The following GFM2 variants were observed in gnomAD, a reference collection of about 807,000 sequenced individuals.
GFM2 encodes the protein GTP dependent ribosome recycling factor mitochondrial 2.
Under a neutral mutation model 95.4 loss-of-function variants are expected in GFM2, and 72 were observed. The ratio of observed to expected loss-of-function variants is 0.76; its 90% CI spans 0.62 to 0.92. The LOEUF (loss-of-function observed/expected upper bound fraction) is 0.92, where lower values mean the gene tolerates loss of function less well. GFM2 is among the 40% of genes least tolerant of loss of function. The pLI, the probability that GFM2 is intolerant of heterozygous loss-of-function variation, is 0.00. For missense variants in GFM2, 825 were observed against 924.1 expected (o/e 0.89, Z 1.39); for synonymous variants, 276 against 317.5 (o/e 0.87, Z 1.39).
Position 74,729,098 on chromosome 5 carries a change from C to G in GFM2, c.1726+1162G>C, listed in dbSNP as rs1231160135. On this transcript the variant is annotated intron_variant, in intron 17 of 20. Coordinates refer to ENST00000296805, the MANE Select transcript of GFM2 (RefSeq NM_032380.5). ...GGTTGATGATATCTTTGGAGAAGCC[C>G]TTTTTTCCAGGTTCCTTGGGATACT... Among the ~76,000 whole-genome samples the G allele has an allele frequency of 2.0e-5, 3 of 152,008 alleles. No homozygotes were observed. The East Asian group carries it at 5.8e-4, about 29-fold the overall frequency.
rs767693213 is a variant in GFM2, at chr5:74,721,639, C to CCAAAAACTAAAA, written c.*4_*15dup. ...TAGCTAGGTGCTCCTGAATTTCTCTCCAAAAACTAAAACATTTAGGTCAAA... is the reference window on the plus strand; with the variant it reads ...TAGCTAGGTGCTCCTGAATTTCTCTCCAAAAACTAAAACAAAAACTAAAACATTTAGGTCAAA... On this transcript the variant is annotated 3_prime_UTR_variant, in exon 21 of 21. Transcript: ENST00000296805. 9 of 1,604,474 alleles carry CCAAAAACTAAAA rather than the reference C, an allele frequency of 5.6e-6. No individual in the cohort carries two copies. In the South Asian group the frequency reaches 9.1e-5, roughly 16 times the overall value.
rs1749895631 is a variant in GFM2, at chr5:74,721,756, T to A, written c.2239A>T (p.Thr747Ser). The change falls in exon 21 of 21, where the codon ACA becomes TCA. Residue 747 changes from threonine to serine, a missense_variant. Physicochemically the swap from Thr to Ser is moderately conservative, Grantham distance 58 (BLOSUM62 1). Transcript: ENST00000296805. The stretch of plus-strand genomic sequence containing the variant: ...AAGGCAAAAGTAGCTGAGCCTGATG[T>A]TAGCGTTCGAAGCACAGTTGAATAA... ...MGYSTVLRTL[T>S]SGSATFALEL... 6.2e-7 allele frequency: 1 copy of A among 1,613,382 alleles called. No individual in the cohort carries two copies. The highest frequency in any genetic ancestry group is 1.1e-5 in the South Asian group (1 of 90,886).
chr5:74,745,242 G>A (rs962209618), intron 10 of GFM2, among the ~76,000 whole-genome samples: 2 of 152,152 alleles, frequency 1.3e-5, no homozygotes, highest in African/African-American at 4.8e-5. Context: ...CTACCCAGGA[G>A]GCTGAGGCAG....
intron 6 of GFM2, 44 bp downstream of exon 6, chr5:74,751,324 T>C (rs958325598): frequency 1.9e-6 from 3 of 1,554,286 alleles, no homozygotes; most frequent in Non-Finnish European, 2.6e-6. Context: ...ACAAAAAAAC[T>C]CCAAATGACG....
intron 1 of GFM2, among the ~76,000 whole-genome samples, chr5:74,766,048 G>C (rs529342181): frequency 2.0e-5 from 3 of 152,218 alleles, no homozygotes; most frequent in Admixed American, 6.5e-5. Context: ...GCTCAAGCCT[G>C]TAATCCCAAC....
intron 15 of GFM2, among the ~76,000 whole-genome samples, chr5:74,734,294 T>C (rs1462280149): frequency 6.6e-6 from 1 of 152,124 alleles, no homozygotes; most frequent in Admixed American, 6.5e-5. Context: ...AATATTGATA[T>C]ATTGAAGTAA....
rs768728438 is a variant in GFM2, at chr5:74,740,019, G to A, written c.1049C>T (p.Pro350Leu). 1 of 1,586,676 alleles carries A rather than the reference G, an allele frequency of 6.3e-7. No individual in the cohort carries two copies. Among genetic ancestry groups the A allele is most frequent in the African/African-American group, 1.4e-5 (1 of 73,374 alleles). ...PLLDAVTMYL[P>L]SPEERNYEFL... Reference sequence around the variant, plus strand: ...TTCATAGTTACGCTCTTCAGGTGAAGGTAAGTACATAGTAACAGCATCTAA... The same window carrying A: ...TTCATAGTTACGCTCTTCAGGTGAAAGTAAGTACATAGTAACAGCATCTAA... The change falls in exon 12 of 21, where the codon CCT becomes CTT. Residue 350 changes from proline (P) to leucine (L), a missense_variant. Transcript: ENST00000296805.
chr5:74,728,851 A>C (rs945871204), intron 17 of GFM2, among the ~76,000 whole-genome samples: 1 of 133,320 alleles, frequency 7.5e-6, no homozygotes, highest in African/African-American at 2.8e-5. Context: ...CGCCTCTGGG[A>C]TTCAAGCAAT....
intron 17 of GFM2, among the ~76,000 whole-genome samples, chr5:74,729,214 G>A (rs138763907): frequency 6.6e-6 from 1 of 152,190 alleles, no homozygotes; most frequent in South Asian, 2.1e-4. Flanking sequence ...TTAGGCTAAA[G>A]ACCTGTATCA....
chr5:74,740,091 G>T lies in GFM2; in HGVS notation c.977C>A (p.Pro326His). The change falls in exon 12 of 21, where the codon CCT (proline) becomes CAT (histidine). Residue 326 changes from proline to histidine, a missense_variant. Physicochemically the swap from Pro to His is moderately conservative, Grantham distance 77. Coordinates refer to ENST00000296805, the MANE Select transcript of GFM2 (RefSeq NM_032380.5). ...HRVTLAQTAV[P>H]VLCGSALKNK... is the part of the protein sequence containing the mutation. Reference sequence around the variant, plus strand: ...TTTCAGGGCACTTCCACAAAGCACAGGCACTGCTGTCTGAGCTAGTGTCAC... The same window carrying T: ...TTTCAGGGCACTTCCACAAAGCACATGCACTGCTGTCTGAGCTAGTGTCAC... 6.2e-7 allele frequency: 1 copy of T among 1,607,490 alleles called. No homozygotes were observed. The highest frequency in any genetic ancestry group is 8.5e-7 in the Non-Finnish European group (1 of 1,177,424).
intron 17 of GFM2, among the ~76,000 whole-genome samples, chr5:74,726,818 T>C (rs1750169976): frequency 6.6e-6 from 1 of 152,212 alleles, no homozygotes; most frequent in Non-Finnish European, 1.5e-5. Flanking sequence ...TCTATAATTC[T>C]TCATAATTCC....
At chr5:74,757,275 T>C (rs1420020246) in intron 5 of GFM2, among the ~76,000 whole-genome samples, 3 of 152,152 alleles carry the variant, frequency 2.0e-5, no homozygotes, top group Admixed American at 6.5e-5. Flanking sequence ...ATTCAGTTTC[T>C]TGGCATCATA....
intron 19 of GFM2, among the ~76,000 whole-genome samples, chr5:74,723,122 A>G (rs957058893): frequency 3.3e-5 from 5 of 152,192 alleles, no homozygotes; most frequent in African/African-American, 1.2e-4. Flanking sequence ...AATCCTAAAA[A>G]AGATTGAATT....
At chr5:74,746,217 C>T (rs750977653) in intron 8 of GFM2, 52 bp from the exon 9 acceptor site, 16 of 1,031,042 alleles carry the variant, frequency 1.6e-5, no homozygotes, top group Admixed American at 3.4e-5. Context: ...AATTCTTTAC[C>T]AAAGGTATCA....
intron 2 of GFM2, among the ~76,000 whole-genome samples, chr5:74,762,604 T>C (rs1744339586): frequency 6.6e-6 from 1 of 152,234 alleles, no homozygotes; most frequent in South Asian, 2.1e-4. Flanking sequence ...GAGCACTTTA[T>C]GGCTTCTCTT....
chr5:74,724,192 T>C (rs1750045377), intron 19 of GFM2, among the ~76,000 whole-genome samples: 1 of 152,144 alleles, frequency 6.6e-6, no homozygotes, highest in South Asian at 2.1e-4. Flanking sequence ...CAAATGAACA[T>C]GGAAATGCAG....
intron 5 of GFM2, among the ~76,000 whole-genome samples, chr5:74,753,657 C>A (rs578245353): frequency 6.6e-6 from 1 of 152,068 alleles, no homozygotes; most frequent in South Asian, 2.1e-4. Flanking sequence ...CCCAACCTGA[C>A]AAACACAAAG....
rs1743351000 is a variant in GFM2 at position 74,745,751 on chromosome 5, T to A, written c.776A>T (p.Lys259Met). 1 of 1,613,942 alleles carries A rather than the reference T, an allele frequency of 6.2e-7. No individual in the cohort carries two copies. Among genetic ancestry groups the A allele is most frequent in the Non-Finnish European group, 8.5e-7 (1 of 1,179,918 alleles). ...NSNDGKDFER[K>M]PLLEMNDPEL... ...AGGATCATTCATTTCCAAGAGGGGC[T>A]TTCTCTCAAAGTCTTTTCCATCATT... The change falls in exon 10 of 21, where the codon AAG becomes ATG. Residue 259 changes from lysine to methionine, a missense_variant. Lys to Met is a moderately conservative substitution (Grantham distance 95). Coordinates refer to ENST00000296805, the MANE Select transcript of GFM2 (RefSeq NM_032380.5).
intron 1 of GFM2, 30 bp from the exon 2 acceptor site, chr5:74,763,796 A>G: frequency 7.3e-7 from 1 of 1,374,850 alleles, no homozygotes; most frequent in East Asian, 2.3e-5. Context: ...AAATCAAAAA[A>G]CTAAACTTAT....
Sources: gnomAD v4.1 joint callset for allele counts (sites outside exome capture counted in the v4.1 genomes callset) on GRCh38, gnomAD v4.1.1 for gene constraint, MANE v1.5 for transcripts, NCBI Gene and HGNC (gene_info 2026-07-23, HGNC 2026-07-21) for gene names.